The following FAM193A variants were observed in gnomAD, a reference collection of about 807,000 sequenced individuals.
The protein encoded by FAM193A is family with sequence similarity 193 member A, also known as protein FAM193A.
In FAM193A, 22 loss-of-function variants were observed where a neutral mutation model predicts 126.5. That is an observed-to-expected ratio of 0.17 (90% confidence interval 0.12 to 0.25). The LOEUF (loss-of-function observed/expected upper bound fraction) is 0.25. Ranked by LOEUF, FAM193A falls within the 10% of genes least tolerant of loss-of-function variation. FAM193A has a pLI of 1.00. For synonymous variants in FAM193A, 761 were observed against 646.8 expected (o/e 1.18, Z -2.68); for missense variants, 1,675 against 1,672.8 (o/e 1.00, Z -0.02).
chr4:2,572,477 T>C (rs1445923718), intron 1 of FAM193A, among the ~76,000 whole-genome samples: 1 of 152,172 alleles, frequency 6.6e-6, no homozygotes, highest in Non-Finnish European at 1.5e-5. Flanking sequence ...TTGGGCGTTC[T>C]CCAGTCTTCC....
chr4:2,602,562 A>G (rs892260677), intron 2 of FAM193A, among the ~76,000 whole-genome samples: 31 of 152,114 alleles, frequency 2.0e-4, no homozygotes, highest in Non-Finnish European at 3.5e-4. Context: ...CATGTTGGCC[A>G]GGCTGTTCTT....
intron 19 of FAM193A, 123 bp from the exon 20 acceptor site, chr4:2,715,900 T>A (rs1272293704): frequency 5.6e-6 from 4 of 716,158 alleles, no homozygotes; most frequent in Non-Finnish European, 1.0e-5. Context: ...AAAATCTCAT[T>A]TTAGAAAAAA....
At chr4:2,570,076 A>G (rs1207862770) in intron 1 of FAM193A, among the ~76,000 whole-genome samples, 5 of 152,150 alleles carry the variant, frequency 3.3e-5, no homozygotes, top group Non-Finnish European at 7.3e-5. Flanking sequence ...AGAAACTGAG[A>G]GTATGACTTT....
chr4:2,548,684 T>A (rs918908356), intron 1 of FAM193A, among the ~76,000 whole-genome samples: 2 of 151,886 alleles, frequency 1.3e-5, no homozygotes, highest in African/African-American at 2.4e-5. Flanking sequence ...CTTGAACTTC[T>A]GACCTCAAGT....
At chr4:2,702,101 T>C in intron 19 of FAM193A, among the ~76,000 whole-genome samples, 1 of 152,200 alleles carries the variant, frequency 6.6e-6, no homozygotes, top group East Asian at 1.9e-4. Flanking sequence ...TATTATTCTT[T>C]CTATATTTGT....
intron 15 of FAM193A, among the ~76,000 whole-genome samples, chr4:2,691,174 C>T (rs1044636036): frequency 2.6e-5 from 4 of 152,198 alleles, no homozygotes; most frequent in African/African-American, 7.2e-5. Context: ...TGCTAGATTC[C>T]TCTGGGGCTT....
intron 5 of FAM193A, among the ~76,000 whole-genome samples, chr4:2,633,584 T>C (rs1014564940): frequency 5.3e-5 from 8 of 151,332 alleles, no homozygotes. Flanking sequence ...GGGAAACAAC[T>C]GAATTTACTA....
intron 20 of FAM193A, among the ~76,000 whole-genome samples, chr4:2,717,180 A>G (rs1268211679): frequency 2.6e-5 from 4 of 151,712 alleles, no homozygotes; most frequent in Admixed American, 1.3e-4. Context: ...GGGTTTTGCT[A>G]TGTTGGCCAG....
At chr4:2,703,315 C>G (rs188681024) in intron 19 of FAM193A, among the ~76,000 whole-genome samples, 1 of 152,266 alleles carries the variant, frequency 6.6e-6, no homozygotes, top group East Asian at 1.9e-4. Flanking sequence ...GGCGCAATCT[C>G]GGCTCACTGC....
intron 19 of FAM193A, among the ~76,000 whole-genome samples, chr4:2,714,611 C>G (rs546086624): frequency 1.9e-4 from 29 of 152,214 alleles, no homozygotes; most frequent in South Asian, 6.2e-4. Context: ...GAGCAGGTCC[C>G]TAGAGAGAGA....
At position 2,630,891 on chromosome 4, in the gene FAM193A, T is replaced by G. The variant is rs112748325; in HGVS notation, c.804-44T>G. 7,468 of 1,138,402 alleles carry G rather than the reference T, an allele frequency of 6.6e-3. 34 individuals are homozygous for G. The highest frequency in any genetic ancestry group is 8.8e-3 in the Non-Finnish European group (6,774 of 766,252). 70.5% of individuals were successfully genotyped at this position (1,138,402 alleles called of 1,614,324 possible). A position where few individuals can be genotyped will look rare whatever the true frequency, so the allele number is the denominator to read the frequency against. ...ATGCTCACTGACATCAGAGCACCCA[T>G]GGGCCCTGGTGGGCAGGCCCTGGTG... On this transcript the variant is annotated intron_variant, in intron 4 of 20. Coordinates refer to ENST00000637812, the MANE Select transcript of FAM193A (RefSeq NM_001366318.2).
In FAM193A at chr4:2,731,196, CAAAAAAAAAAAAAAAA is replaced by C. The variant is rs546217602; in HGVS notation, c.4455-566_4455-551del. 1.5e-3 allele frequency among the ~76,000 whole-genome samples: 131 copies of C among 86,878 alleles called. 1 individual carries two copies. The highest frequency in any genetic ancestry group is 2.2e-3 in the Non-Finnish European group (101 of 46,814). The allele number at this position is 86,878 out of a possible 152,430, so 57.0% of individuals were successfully genotyped here. ...GGATGACAAGAGCGAAACTCCTTCT[CAAAAAAAAAAAAAAAA>C]AAAAAAAAAAAACCGGTGTGGTGGT... On this transcript the variant is annotated intron_variant, in intron 20 of 20. Transcript: ENST00000637812.
Position 2,731,949 on chromosome 4 carries a change from C to T in FAM193A, c.*81C>T, listed in dbSNP as rs1243981414. On this transcript the variant is annotated 3_prime_UTR_variant, in exon 21 of 21. Coordinates refer to ENST00000637812, the MANE Select transcript of FAM193A (RefSeq NM_001366318.2). The stretch of plus-strand genomic sequence containing the variant: ...AGAGCCACGCCCCTCGCTGGCGCCC[C>T]AGAGCCGTGGTGCTTGCCAAGGGCT... The T allele has an allele frequency of 9.1e-7, 1 of 1,100,072 alleles. No individual in the cohort carries two copies. The highest frequency in any genetic ancestry group is 1.4e-6 in the Non-Finnish European group (1 of 719,428). 68.1% of individuals were successfully genotyped at this position (1,100,072 alleles called of 1,614,324 possible).
chr4:2,580,887 T>C (rs1739879965), intron 1 of FAM193A, among the ~76,000 whole-genome samples: 1 of 152,192 alleles, frequency 6.6e-6, no homozygotes, highest in African/African-American at 2.4e-5. Flanking sequence ...CCCAGCACTT[T>C]GGGAGGCCGA....
At chr4:2,705,008 G>C (rs1183791687) in intron 19 of FAM193A, among the ~76,000 whole-genome samples, 1 of 152,058 alleles carries the variant, frequency 6.6e-6, no homozygotes, top group Non-Finnish European at 1.5e-5. Context: ...GCCTCCGGGG[G>C]TCACGCCATT....
chr4:2,570,325 T>G lies in FAM193A; in HGVS notation c.256-25759T>G, dbSNP rs191367668. ...TTCTGTTTGTAAGAAAGCAGTACAT[T>G]CTATGAGTTACTGTGGATTTGGTAA... is the stretch of plus-strand genomic sequence containing the variant. On this transcript the variant is annotated intron_variant, in intron 1 of 20. Coordinates refer to ENST00000637812, the MANE Select transcript of FAM193A (RefSeq NM_001366318.2). Among the ~76,000 whole-genome samples, 26 of 152,274 alleles carry G rather than the reference T, an allele frequency of 1.7e-4. No individual in the cohort carries two copies. The East Asian group carries it at 5.0e-3, about 29-fold the overall frequency.
Position 2,547,626 on chromosome 4 carries a change from A to G in FAM193A, c.255+10456A>G, listed in dbSNP as rs796356659. 4.6e-3 allele frequency among the ~76,000 whole-genome samples: 638 copies of G among 138,454 alleles called. 7 individuals carry two copies. In the East Asian group the frequency reaches 0.062, roughly 14 times the overall value. The allele number at this position is 138,454 out of a possible 152,430, so 90.8% of individuals were successfully genotyped here. On this transcript the variant is annotated intron_variant, in intron 1 of 20. Transcript: ENST00000637812. ...TGTCTGTGTGTGTGTGTGTGTGTGT[A>G]TGTATTTTTTTTTTTTGGAAGTGGA...
At position 2,639,857 on chromosome 4, in the gene FAM193A, C is replaced by G. The variant is rs1408408833; in HGVS notation, c.1161C>G (p.Ile387Met). ...ACTTGCCCGCACTGGTGTCACAGAT[C>G]AGGTATTTTGCCTTAACCCGTATGT... is the stretch of plus-strand genomic sequence containing the variant. ...QSNLPALVSQ[I>M]RLGTTTHDTC... The change falls in exon 6 of 21, where the codon ATC becomes ATG. Residue 387 changes from isoleucine (I) to methionine (M), a missense_variant and splice_region_variant. Ile to Met is a conservative substitution (Grantham distance 10). Coordinates refer to ENST00000637812, the MANE Select transcript of FAM193A (RefSeq NM_001366318.2). 1 of 1,613,502 alleles carries G rather than the reference C, an allele frequency of 6.2e-7. No individual in the cohort carries two copies. Among genetic ancestry groups the G allele is most frequent in the Non-Finnish European group, 8.5e-7 (1 of 1,179,750 alleles).
At chr4:2,648,356 A>T (rs1295890323) in intron 7 of FAM193A, among the ~76,000 whole-genome samples, 1 of 152,128 alleles carries the variant, frequency 6.6e-6, no homozygotes, top group African/African-American at 2.4e-5. Context: ...CAGGGTGAGG[A>T]GGGGCCTCAG....
Sources: allele counts gnomAD v4.1 joint callset (sites outside exome capture counted in the v4.1 genomes callset), GRCh38; gene constraint gnomAD v4.1.1; transcripts MANE v1.5; gene names NCBI Gene and HGNC (gene_info 2026-07-23, HGNC 2026-07-21).